Variants in NCAM2 observed in about 807,000 individuals in gnomAD.
NCAM2 encodes neural cell adhesion molecule 2.
Under a neutral mutation model 98.1 loss-of-function variants are expected in NCAM2, and 30 were observed. The observed-to-expected ratio is 0.31, with a 90% confidence interval of 0.23 to 0.41. The LOEUF is 0.41. Ranked by LOEUF, NCAM2 falls within the 10% of genes least tolerant of loss-of-function variation. NCAM2 has a pLI of 1.00. For missense variants in NCAM2, 867 were observed against 1,005.8 expected, an observed-to-expected ratio of 0.86 and a Z score of 1.87; for synonymous variants, 368 against 342.4, an observed-to-expected ratio of 1.07 and a Z score of -0.83.
intron 1 of NCAM2, among the ~76,000 whole-genome samples, chr21:21,099,462 C>T (rs1046074046): frequency 2.6e-5 from 4 of 151,734 alleles, no homozygotes; most frequent in Non-Finnish European, 1.5e-5. Context: ...GATGGAAGGC[C>T]CCTCTTCACA....
intron 1 of NCAM2, among the ~76,000 whole-genome samples, chr21:21,157,803 T>G (rs539769108): frequency 2.6e-5 from 4 of 152,296 alleles, no homozygotes; most frequent in East Asian, 1.9e-4. Context: ...GTGGTTAGTC[T>G]TTAAAAAGTT....
chr21:21,418,492 A>G lies in NCAM2; in HGVS notation c.1403A>G (p.Asn468Ser), dbSNP rs1164533440. Residue 468 changes from asparagine to serine, a missense_variant, in exon 11 of 18, where the codon AAT becomes AGT. Asn to Ser is a conservative substitution (Grantham distance 46). This residue lies in a region of NCAM2 where 234 missense variants were observed against 333.8 expected (regional missense o/e 0.70). Coordinates refer to ENST00000400546, the MANE Select transcript of NCAM2 (RefSeq NM_004540.5). ...MILEIAPTSD[N>S]DFGRYNCTAT... is the part of the protein sequence containing the mutation. ...TTTCAGATTGCACCTACATCTGACA[A>G]TGACTTTGGACGCTATAATTGCACA... is the stretch of plus-strand genomic sequence containing the variant. The G allele has an allele frequency of 1.2e-6, 2 of 1,610,088 alleles. No individual in the cohort carries two copies. The highest frequency in any genetic ancestry group is 1.1e-5 in the South Asian group (1 of 90,976).
intron 1 of NCAM2, among the ~76,000 whole-genome samples, chr21:21,086,752 C>T (rs1202606159): frequency 1.3e-5 from 2 of 152,074 alleles, no homozygotes; most frequent in Non-Finnish European, 2.9e-5. Context: ...TTAACTAGAA[C>T]GTGTGTGGCA....
intron 16 of NCAM2, among the ~76,000 whole-genome samples, chr21:21,519,134 T>C (rs554239157): frequency 6.6e-6 from 1 of 152,178 alleles, no homozygotes; most frequent in African/African-American, 2.4e-5. Flanking sequence ...CTGGTATAAA[T>C]ATCAGATTGG....
chr21:21,000,831 A>G (rs2064007870), intron 1 of NCAM2, among the ~76,000 whole-genome samples: 1 of 152,126 alleles, frequency 6.6e-6, no homozygotes, highest in East Asian at 1.9e-4. Context: ...CCTCTATGCT[A>G]GTGTTTTGTT....
intron 5 of NCAM2, among the ~76,000 whole-genome samples, chr21:21,304,925 A>G (rs1266155945): frequency 6.6e-6 from 1 of 152,182 alleles, no homozygotes; most frequent in Non-Finnish European, 1.5e-5. Context: ...GTAGCATCAT[A>G]TATAAAGATA....
At chr21:21,359,618 G>T (rs971582879) in intron 8 of NCAM2, among the ~76,000 whole-genome samples, 1 of 151,866 alleles carries the variant, frequency 6.6e-6, no homozygotes, top group African/African-American at 2.4e-5. Context: ...TTTTATGATA[G>T]TTGTTTGGGG....
intron 8 of NCAM2, among the ~76,000 whole-genome samples, chr21:21,344,180 C>T (rs533716539): frequency 6.6e-6 from 1 of 152,302 alleles, no homozygotes; most frequent in East Asian, 1.9e-4. Flanking sequence ...AGGACCCAGT[C>T]CTGGCAGCAT....
intron 9 of NCAM2, among the ~76,000 whole-genome samples, chr21:21,391,728 T>C (rs914403143): frequency 1.3e-5 from 2 of 152,180 alleles, no homozygotes; most frequent in Non-Finnish European, 2.9e-5. Flanking sequence ...AGAGCAAATC[T>C]CCTCTTTAAA....
intron 8 of NCAM2, among the ~76,000 whole-genome samples, chr21:21,369,620 A>G (rs1037776855): frequency 6.6e-6 from 1 of 151,828 alleles, no homozygotes; most frequent in Admixed American, 6.6e-5. Context: ...ATGTGTTACT[A>G]TCTGACTTTT....
At chr21:21,283,769 A>G (rs1027500516) in intron 2 of NCAM2, among the ~76,000 whole-genome samples, 3 of 151,878 alleles carry the variant, frequency 2.0e-5, no homozygotes, top group African/African-American at 7.2e-5. Flanking sequence ...CTATCTCCTG[A>G]CCCTAGCAAA....
intron 1 of NCAM2, among the ~76,000 whole-genome samples, chr21:21,044,280 T>A (rs989022382): frequency 6.6e-6 from 1 of 152,114 alleles, no homozygotes; most frequent in African/African-American, 2.4e-5. Context: ...TTTGTAAGGG[T>A]GTGTTTCATA....
chr21:21,261,645 A>T (rs2071904564), intron 1 of NCAM2, among the ~76,000 whole-genome samples: 1 of 152,170 alleles, frequency 6.6e-6, no homozygotes, highest in Admixed American at 6.6e-5. Context: ...GAAAATAATC[A>T]AAAAATTTTT....
At chr21:21,337,797 A>G (rs991643931) in intron 7 of NCAM2, among the ~76,000 whole-genome samples, 3 of 151,978 alleles carry the variant, frequency 2.0e-5, no homozygotes, top group Non-Finnish European at 4.4e-5. Flanking sequence ...TGAAGTCAAA[A>G]TAAATCAAGT....
intron 1 of NCAM2, among the ~76,000 whole-genome samples, chr21:21,033,299 C>T (rs2064727968): frequency 6.6e-6 from 1 of 152,042 alleles, no homozygotes; most frequent in South Asian, 2.1e-4. Flanking sequence ...TGTTTTCAGG[C>T]ACATGGGATA....
At chr21:21,165,328 C>G (rs2067915101) in intron 1 of NCAM2, among the ~76,000 whole-genome samples, 1 of 152,094 alleles carries the variant, frequency 6.6e-6, no homozygotes, top group Non-Finnish European at 1.5e-5. Flanking sequence ...ATCAGAGTCC[C>G]TTACCTAAGC....
chr21:21,045,945 A>G (rs1403146342), intron 1 of NCAM2, among the ~76,000 whole-genome samples: 1 of 152,174 alleles, frequency 6.6e-6, no homozygotes, highest in Non-Finnish European at 1.5e-5. Context: ...CAACTTCTGG[A>G]GCCACACTGC....
intron 1 of NCAM2, among the ~76,000 whole-genome samples, chr21:21,240,372 TA>T (rs33958717): frequency 0.15 from 20,818 of 142,066 alleles, 2,584 homozygotes; most frequent in East Asian, 0.5. Flanking sequence ...GCTAAAATGC[TA>T]AAAAAAAAAA....
intron 1 of NCAM2, among the ~76,000 whole-genome samples, chr21:21,027,858 G>GTTTT (rs527303137): frequency 1.4e-5 from 2 of 142,522 alleles, no homozygotes; most frequent in South Asian, 2.2e-4. Flanking sequence ...TGTTTCTTAA[G>GTTTT]TTTTTTTTTT....
Sources: allele counts gnomAD v4.1 joint callset (sites outside exome capture counted in the v4.1 genomes callset), GRCh38; gene constraint gnomAD v4.1.1; regional missense constraint gnomAD v4.1.1; transcripts MANE v1.5; gene names NCBI Gene and HGNC (gene_info 2026-07-23, HGNC 2026-07-21).